The following MAGI2 variants were observed in gnomAD, a reference collection of about 807,000 sequenced individuals.
The protein encoded by MAGI2 is membrane-associated guanylate kinase, WW and PDZ domain-containing protein 2.
MAGI2 carries 35 observed loss-of-function variants against 133.3 expected under a neutral mutation model. The ratio of observed to expected loss-of-function variants is 0.26; its 90% CI spans 0.20 to 0.35. The LOEUF (loss-of-function observed/expected upper bound fraction) is 0.35. Ranked by LOEUF, MAGI2 falls within the 10% of genes least tolerant of loss-of-function variation. The pLI is 1.00. For missense variants in MAGI2, 1,636 were observed against 1,863.4 expected (o/e 0.88, Z 2.25); for synonymous variants, 729 against 710.6 (o/e 1.03, Z -0.41).
At chr7:78,934,777 C>T (rs1800396382) in intron 2 of MAGI2, among the ~76,000 whole-genome samples, 1 of 152,062 alleles carries the variant, frequency 6.6e-6, no homozygotes. Flanking sequence ...ATTTCTGCTC[C>T]CAGGCATTTC....
intron 2 of MAGI2, chr7:79,000,161 C>T (rs1379809750): frequency 6.6e-6 from 1 of 152,090 alleles, no homozygotes; most frequent in Non-Finnish European, 1.5e-5. Flanking sequence ...CTTAACATCC[C>T]AGAACTCAAA....
chr7:78,038,485 T>C (rs1057189005), intron 21 of MAGI2, among the ~76,000 whole-genome samples: 6 of 152,206 alleles, frequency 3.9e-5, no homozygotes, highest in Non-Finnish European at 8.8e-5. Flanking sequence ...TTTGTAAAAT[T>C]TGCAGGAAAA....
At chr7:79,135,989 AAGAAAGAAAGAAAG>A (rs775864892) in intron 1 of MAGI2, among the ~76,000 whole-genome samples, 4,705 of 47,670 alleles carry the variant, frequency 0.099, 799 homozygotes, top group Non-Finnish European at 0.21. Context: ...GAAAGAAAGA[AAGAAAGAAAGAAAG>A]AGAAAGAAAG....
At chr7:78,039,796 A>C (rs1277650864) in intron 21 of MAGI2, among the ~76,000 whole-genome samples, 1 of 152,244 alleles carries the variant, frequency 6.6e-6, no homozygotes, top group Non-Finnish European at 1.5e-5. Context: ...GGGTAGAGTG[A>C]TTATGCTAGA....
In MAGI2 at chr7:78,631,104, GA is replaced by G. The variant is rs200893550; in HGVS notation, c.419-3866del. 6.0e-3 allele frequency among the ~76,000 whole-genome samples: 910 copies of G among 152,296 alleles called. 9 individuals are homozygous for G. The highest frequency in any genetic ancestry group is 0.027 in the Middle Eastern group (8 of 294). On this transcript the variant is annotated intron_variant, in intron 2 of 21. Coordinates refer to ENST00000354212, the MANE Select transcript of MAGI2 (RefSeq NM_012301.4). ...ACATTGTTTGAGATTTTCCAAGCCT[GA>G]AAATGTCTTTATTACACCCTCACTA... is the stretch of plus-strand genomic sequence containing the variant.
intron 3 of MAGI2, among the ~76,000 whole-genome samples, chr7:78,571,239 TC>T (rs1415901679): frequency 6.6e-6 from 1 of 152,156 alleles, no homozygotes; most frequent in Non-Finnish European, 1.5e-5. Context: ...GAGAGAATAA[TC>T]TAATCAAATG....
intron 6 of MAGI2, among the ~76,000 whole-genome samples, chr7:78,385,191 G>A (rs1795269500): frequency 6.6e-6 from 1 of 152,126 alleles, no homozygotes; most frequent in South Asian, 2.1e-4. Flanking sequence ...AAAAACGGAT[G>A]CATGCAAAGA....
intron 3 of MAGI2, among the ~76,000 whole-genome samples, chr7:78,545,212 C>CTT (rs71085537): frequency 6.3e-4 from 52 of 83,088 alleles, no homozygotes; most frequent in Middle Eastern, 6.0e-3. Context: ...TAACCTGATT[C>CTT]TTTTTTTTTT....
intron 2 of MAGI2, among the ~76,000 whole-genome samples, chr7:78,854,388 T>A (rs2151486473): frequency 6.6e-6 from 1 of 152,234 alleles, no homozygotes; most frequent in Admixed American, 6.5e-5. Context: ...GTTATAAAAC[T>A]TATACTTGTT....
intron 20 of MAGI2, among the ~76,000 whole-genome samples, chr7:78,119,492 C>T (rs944302987): frequency 8.9e-5 from 11 of 123,896 alleles, no homozygotes; most frequent in Admixed American, 2.2e-4. Flanking sequence ...ACCTGGGAGG[C>T]GGAGGTTGCA....
intron 4 of MAGI2, chr7:78,518,149 A>AT (rs1796195770): frequency 1.3e-5 from 2 of 152,126 alleles, no homozygotes; most frequent in African/African-American, 2.4e-5. Flanking sequence ...AAAACTAGGA[A>AT]TTTTTTATAC....
chr7:78,625,423 T>G (rs1483792197), intron 3 of MAGI2, among the ~76,000 whole-genome samples: 1 of 151,882 alleles, frequency 6.6e-6, no homozygotes, highest in Non-Finnish European at 1.5e-5. Flanking sequence ...ACAATGTGTT[T>G]GTGTTTTAAA....
chr7:78,525,914 C>T (rs904276548), intron 3 of MAGI2, among the ~76,000 whole-genome samples: 1 of 152,082 alleles, frequency 6.6e-6, no homozygotes, highest in African/African-American at 2.4e-5. Flanking sequence ...ACTCTTTCCC[C>T]ACAGTGCTGT....
At chr7:79,062,641 A>G (rs1441598060) in intron 1 of MAGI2, among the ~76,000 whole-genome samples, 1 of 152,166 alleles carries the variant, frequency 6.6e-6, no homozygotes, top group Non-Finnish European at 1.5e-5. Context: ...TTCATTTTTA[A>G]AAAGAGAAAA....
chr7:78,132,258 G>C (rs1821635631), intron 18 of MAGI2, among the ~76,000 whole-genome samples: 1 of 152,180 alleles, frequency 6.6e-6, no homozygotes, highest in South Asian at 2.1e-4. Flanking sequence ...GACTTTTGTG[G>C]TTCAATGGAC....
At chr7:78,605,077 G>T (rs1805656878) in intron 3 of MAGI2, among the ~76,000 whole-genome samples, 1 of 152,188 alleles carries the variant, frequency 6.6e-6, no homozygotes, top group African/African-American at 2.4e-5. Flanking sequence ...AGAGAAATAA[G>T]ACTGGCTTCG....
At chr7:78,759,951 C>G (rs977735177) in intron 2 of MAGI2, among the ~76,000 whole-genome samples, 1 of 151,968 alleles carries the variant, frequency 6.6e-6, no homozygotes. Context: ...TATGTCTCTA[C>G]TAAAAATACA....
At chr7:79,167,391 A>T (rs1330555106) in intron 1 of MAGI2, among the ~76,000 whole-genome samples, 1 of 116,520 alleles carries the variant, frequency 8.6e-6, no homozygotes, top group Non-Finnish European at 1.8e-5. Context: ...CACCCCCCAA[A>T]AATGGCAAAA....
At chr7:79,081,151 G>T (rs2129541878) in intron 1 of MAGI2, among the ~76,000 whole-genome samples, 1 of 152,204 alleles carries the variant, frequency 6.6e-6, no homozygotes, top group South Asian at 2.1e-4. Flanking sequence ...GTGCTCTTAT[G>T]TATCAATCTC....
Sources: allele counts gnomAD v4.1 joint callset (sites outside exome capture counted in the v4.1 genomes callset), GRCh38; gene constraint gnomAD v4.1.1; transcripts MANE v1.5; gene names NCBI Gene and HGNC (gene_info 2026-07-23, HGNC 2026-07-21).